GLS: variants seen among roughly 807,000 people sequenced by gnomAD.
GLS encodes the protein glutaminase.
Under a neutral mutation model 86.7 loss-of-function variants are expected in GLS, and 36 were observed. That is an observed-to-expected ratio of 0.42 (90% CI 0.32 to 0.55). The LOEUF (loss-of-function observed/expected upper bound fraction) is 0.55, where lower values mean the gene tolerates loss of function less well. Ranked by LOEUF, GLS falls within the 20% of genes least tolerant of loss-of-function variation. The pLI, the probability that GLS is intolerant of heterozygous loss-of-function variation, is 0.17. For missense variants in GLS, 528 were observed against 833.4 expected, an observed-to-expected ratio of 0.63 and a Z score of 4.51; for synonymous variants, 317 against 305.9, an observed-to-expected ratio of 1.04 and a Z score of -0.38.
intron 14 of GLS, among the ~76,000 whole-genome samples, chr2:190,948,277 C>T (rs893266433): frequency 4.6e-5 from 7 of 152,120 alleles, no homozygotes; most frequent in Non-Finnish European, 2.9e-5. Flanking sequence ...TTTGTTAAGG[C>T]GAGCTAGTGT....
Position 190,913,295 on chromosome 2 carries a change from T to A in GLS, c.1038+2974T>A. 1.6e-6 allele frequency: 2 copies of A among 1,282,502 alleles called. No individual in the cohort carries two copies. The highest frequency in any genetic ancestry group is 2.6e-5 in the South Asian group (2 of 77,444). The allele number at this position is 1,282,502 out of a possible 1,614,324, so 79.4% of individuals were successfully genotyped here. On this transcript the variant is annotated intron_variant, in intron 7 of 17. Transcript: ENST00000320717. The surrounding 1 kb of genome is among the most constrained non-coding windows in gnomAD (Gnocchi z 6.1). Reference sequence around the variant, plus strand: ...GAGAATTTGGACAGAAGGAGCCTGTTGCATAAATTCTTAACTACTAAGCTT... The same window carrying A: ...GAGAATTTGGACAGAAGGAGCCTGTAGCATAAATTCTTAACTACTAAGCTT...
At chr2:190,933,694 A>G (rs1690180618) in intron 14 of GLS, 1 of 938,200 alleles carries the variant, frequency 1.1e-6, no homozygotes, top group East Asian at 1.2e-4. Flanking sequence ...CATATTATCC[A>G]CATAACTTTT....
Position 190,905,197 on chromosome 2 carries a change from AAG to A in GLS, c.979+32_979+33del. The A allele has an allele frequency of 7.5e-7, 1 of 1,327,744 alleles. No homozygotes were observed. Among genetic ancestry groups the A allele is most frequent in the East Asian group, 2.3e-5 (1 of 42,970 alleles). The allele number at this position is 1,327,744 out of a possible 1,614,324, so 82.2% of individuals were successfully genotyped here. A position where few individuals can be genotyped will look rare whatever the true frequency, so the allele number is the denominator to read the frequency against. ...GAATTACATAAACATTGGTTGAAAA[AAG>A]AAATGTCTCATTTTCCTATGTAAAT... is the stretch of plus-strand genomic sequence containing the variant. On this transcript the variant is annotated intron_variant, in intron 6 of 17. Transcript: ENST00000320717. The surrounding 1 kb of genome is among the most constrained non-coding windows in gnomAD (Gnocchi z 4.6).
At chr2:190,946,505 CT>C (rs1416411698) in intron 14 of GLS, among the ~76,000 whole-genome samples, 13 of 147,732 alleles carry the variant, frequency 8.8e-5, no homozygotes, top group South Asian at 2.1e-4. Context: ...CAGTTACCTG[CT>C]TTTTTTTTTC....
In GLS at chr2:190,963,567, G is replaced by C. The variant is rs972014308; in HGVS notation, c.*581G>C. 22 of 152,626 alleles carry C rather than the reference G, an allele frequency of 1.4e-4. No homozygotes were observed. Among genetic ancestry groups the C allele is most frequent in the African/African-American group, 5.3e-4 (22 of 41,444 alleles). The allele number at this position is 152,626 out of a possible 1,614,324, so 9.5% of individuals were successfully genotyped here. On this transcript the variant is annotated 3_prime_UTR_variant, in exon 18 of 18. Coordinates refer to ENST00000320717, the MANE Select transcript of GLS (RefSeq NM_014905.5). Reference sequence around the variant, plus strand: ...CCAATTCTGATTAGACTTTATCAGGGAATCTGTTTAAGATATGTTTGGTGA... The same window carrying C: ...CCAATTCTGATTAGACTTTATCAGGCAATCTGTTTAAGATATGTTTGGTGA...
intron 1 of GLS, 178 bp downstream of exon 1, chr2:190,881,648 T>C: frequency 3.5e-6 from 2 of 565,244 alleles, no homozygotes; most frequent in Non-Finnish European, 5.8e-6. Flanking sequence ...GCCCGCGCCT[T>C]CCCCGCCCGC....
At position 190,962,971 on chromosome 2, in the gene GLS, T is replaced by C. The variant is rs750970770; in HGVS notation, c.1995T>C (p.Leu665=). ...AAAATCAAACCGTCCATAAGAATCT[T>C]GATGGATTGTTGTAATGGTCTCAAA... is the stretch of plus-strand genomic sequence containing the variant. ...GKENQTVHKN[L]DGLL is the part of the protein sequence containing the mutation. The change falls in exon 18 of 18, where the codon CTT becomes CTC. Residue 665 remains leucine, a synonymous_variant. Transcript: ENST00000320717. The surrounding 1 kb of genome is among the most constrained non-coding windows in gnomAD (Gnocchi z 4.2). 1.2e-6 allele frequency: 2 copies of C among 1,602,978 alleles called. No individual in the cohort carries two copies. The highest frequency in any genetic ancestry group is 1.7e-6 in the Non-Finnish European group (2 of 1,176,338).
At chr2:190,927,277 A>G (rs1223464343) in intron 11 of GLS, 29 bp from the exon 12 acceptor site, 2 of 1,536,524 alleles carry the variant, frequency 1.3e-6, no homozygotes, top group East Asian at 2.3e-5. Context: ...TAAAAGTAGT[A>G]TGAGAATTCT....
At chr2:190,882,457 A>G (rs1688235885) in intron 1 of GLS, among the ~76,000 whole-genome samples, 1 of 152,206 alleles carries the variant, frequency 6.6e-6, no homozygotes, top group Non-Finnish European at 1.5e-5. Flanking sequence ...AAATTTACGG[A>G]TCTGCTTTCA....
Position 190,953,489 on chromosome 2 carries a change from T to C in GLS, c.1651-76T>C. On this transcript the variant is annotated intron_variant, in intron 14 of 17. Coordinates refer to ENST00000320717, the MANE Select transcript of GLS (RefSeq NM_014905.5). The surrounding 1 kb of genome is among the most constrained non-coding windows in gnomAD (Gnocchi z 4.0). ...CTGAAGTGTTCAAAGCACATGGAAA[T>C]CACTTGCCAGTGACAGGTGGACGTT... 1.0e-6 allele frequency: 1 copy of C among 971,182 alleles called. No individual in the cohort carries two copies. The highest frequency in any genetic ancestry group is 1.7e-5 in the Admixed American group (1 of 58,440). The allele number at this position is 971,182 out of a possible 1,614,324, so 60.2% of individuals were successfully genotyped here.
In GLS at chr2:190,927,296, T is replaced by C. The variant is rs1232496942; in HGVS notation, c.1249-10T>C. On this transcript the variant is annotated splice_polypyrimidine_tract_variant and intron_variant, in intron 11 of 17. Coordinates refer to ENST00000320717, the MANE Select transcript of GLS (RefSeq NM_014905.5). ...AGTAGTATGAGAATTCTGCTTTTTC[T>C]TTGTGTTAGCTGTGCTCCATTGAAG... The C allele has an allele frequency of 2.5e-6, 4 of 1,584,234 alleles. No individual in the cohort carries two copies. Among genetic ancestry groups the C allele is most frequent in the Middle Eastern group, 1.7e-4 (1 of 5,908 alleles).
intron 12 of GLS, among the ~76,000 whole-genome samples, chr2:190,928,801 T>C (rs1689990353): frequency 6.6e-6 from 1 of 150,936 alleles, no homozygotes; most frequent in African/African-American, 2.4e-5. Context: ...TAATTTAGTC[T>C]ATACAGTTTT....
intron 14 of GLS, among the ~76,000 whole-genome samples, chr2:190,941,228 A>T (rs1210308506): frequency 2.6e-5 from 4 of 152,220 alleles, no homozygotes; most frequent in African/African-American, 9.6e-5. Flanking sequence ...ACTGAAAATA[A>T]TTAAAATGGT....
intron 1 of GLS, among the ~76,000 whole-genome samples, chr2:190,883,324 C>G (rs1221365579): frequency 6.6e-6 from 1 of 152,190 alleles, no homozygotes; most frequent in East Asian, 1.9e-4. Flanking sequence ...ATGTGACAAA[C>G]ATTTCTCTTA....
chr2:190,924,665 C>G lies in GLS; in HGVS notation c.1248+72C>G, dbSNP rs1469259928. ...GGCACGGTGGCTCACGCCTGTAATCCCAGCACTTTGGGAGGCCAGGGCAGG... is the reference window on the plus strand; with the variant it reads ...GGCACGGTGGCTCACGCCTGTAATCGCAGCACTTTGGGAGGCCAGGGCAGG... On this transcript the variant is annotated intron_variant, in intron 11 of 17. Coordinates refer to ENST00000320717, the MANE Select transcript of GLS (RefSeq NM_014905.5). The surrounding 1 kb of genome is among the most constrained non-coding windows in gnomAD (Gnocchi z 5.2). 1.2e-6 allele frequency: 1 copy of G among 846,410 alleles called. No individual in the cohort carries two copies. The highest frequency in any genetic ancestry group is 1.8e-5 in the Admixed American group (1 of 54,496). The allele number at this position is 846,410 out of a possible 1,614,324, so 52.4% of individuals were successfully genotyped here.
chr2:190,964,666 C>CTGAG lies in GLS; in HGVS notation c.*1685_*1688dup. 6.6e-6 allele frequency: 1 copy of CTGAG among 152,234 alleles called. No individual in the cohort carries two copies. The highest frequency in any genetic ancestry group is 1.5e-5 in the Non-Finnish European group (1 of 68,028). 9.4% of individuals were successfully genotyped at this position (152,234 alleles called of 1,614,324 possible). On this transcript the variant is annotated 3_prime_UTR_variant, in exon 18 of 18. Coordinates refer to ENST00000320717, the MANE Select transcript of GLS (RefSeq NM_014905.5). The surrounding 1 kb of genome is among the most constrained non-coding windows in gnomAD (Gnocchi z 5.2). ...TGCTTGAGCTTCCATGGGGAGGATG[C>CTGAG]TGAGTGAGCAGTTTCCTACCCCGTG...
At chr2:190,940,986 G>A (rs754131718) in intron 14 of GLS, among the ~76,000 whole-genome samples, 1 of 151,994 alleles carries the variant, frequency 6.6e-6, no homozygotes, top group Non-Finnish European at 1.5e-5. Context: ...ATTATTTCAA[G>A]ATATTTAGCT....
At chr2:190,927,541 TA>T in intron 12 of GLS, 59 bp downstream of exon 12, 3 of 1,224,492 alleles carry the variant, frequency 2.4e-6, no homozygotes, top group Non-Finnish European at 3.4e-6. Flanking sequence ...CTGGTTCTTT[TA>T]AAAATGCAGT....
intron 7 of GLS, among the ~76,000 whole-genome samples, chr2:190,912,172 T>TC (rs1418431117): frequency 6.6e-6 from 1 of 152,090 alleles, no homozygotes; most frequent in Non-Finnish European, 1.5e-5. Flanking sequence ...GGTTCAGTGT[T>TC]CAACAGTGCA....
Sources: gnomAD v4.1 joint callset for allele counts (sites outside exome capture counted in the v4.1 genomes callset) on GRCh38, gnomAD v4.1.1 for gene constraint, Gnocchi (gnomAD v3.1) non-coding constraint, MANE v1.5 for transcripts, NCBI Gene and HGNC (gene_info 2026-07-23, HGNC 2026-07-21) for gene names.